Variants in TMEM106B observed in about 807,000 individuals in gnomAD.
TMEM106B encodes transmembrane protein 106B.
A neutral mutation model predicts 31.1 loss-of-function variants in TMEM106B; 15 were observed. The observed-to-expected ratio is 0.48, with a 90% CI of 0.32 to 0.74. TMEM106B has a LOEUF of 0.74. Among genes scored for constraint, TMEM106B ranks in the 30% least tolerant of loss-of-function variants. TMEM106B has a pLI of 0.03. For synonymous variants in TMEM106B, 126 were observed against 112.5 expected (o/e 1.12, Z -0.76); for missense variants, 283 against 327.3 (o/e 0.86, Z 1.04).
chr7:12,239,256 C>T lies in TMEM106B; in HGVS notation c.*7281C>T, dbSNP rs1007835454. ...TCCAACTTTTCTTCAATAGCTTCCT[C>T]ATCTCTCTCAGCCTTCATAGAATTG... is the stretch of plus-strand genomic sequence containing the variant. On this transcript the variant is annotated 3_prime_UTR_variant, in exon 8 of 8. Transcript: ENST00000396668. 2 of 152,160 alleles carry T rather than the reference C, an allele frequency of 1.3e-5. No homozygotes were observed. Among genetic ancestry groups the T allele is most frequent in the Non-Finnish European group, 2.9e-5 (2 of 68,036 alleles). 9.4% of individuals were successfully genotyped at this position (152,160 alleles called of 1,614,324 possible).
intron 2 of TMEM106B, among the ~76,000 whole-genome samples, chr7:12,216,201 C>G (rs144540911): frequency 6.6e-6 from 1 of 152,108 alleles, no homozygotes; most frequent in East Asian, 1.9e-4. Flanking sequence ...GCACCAGGCT[C>G]AGGGGGTAGG....
In TMEM106B at chr7:12,240,949, A is replaced by G. The variant is rs1433526709; in HGVS notation, c.*8974A>G. ...AACTGCTTTGGTTTATGGGTGAAAC[A>G]TAATTTATAACTAGGCAAATGTCAG... is the stretch of plus-strand genomic sequence containing the variant. On this transcript the variant is annotated 3_prime_UTR_variant, in exon 8 of 8. Transcript: ENST00000396668. The G allele has an allele frequency of 6.6e-6, 1 of 152,186 alleles. No individual in the cohort carries two copies. Among genetic ancestry groups the G allele is most frequent in the Admixed American group, 6.6e-5 (1 of 15,262 alleles). 9.4% of individuals were successfully genotyped at this position (152,186 alleles called of 1,614,324 possible). A position where few individuals can be genotyped will look rare whatever the true frequency, so the allele number is the denominator to read the frequency against.
Position 12,218,634 on chromosome 7 carries a change from G to A in TMEM106B, c.281+113G>A, listed in dbSNP as rs116705963. The A allele has an allele frequency of 3.3e-3, 2,680 of 823,300 alleles. 52 individuals carry two copies. The African/African-American group carries it at 0.038, about 12-fold the overall frequency. The allele number at this position is 823,300 out of a possible 1,614,324, so 51.0% of individuals were successfully genotyped here. A position where few individuals can be genotyped will look rare whatever the true frequency, so the allele number is the denominator to read the frequency against. On this transcript the variant is annotated intron_variant, in intron 3 of 7. Coordinates refer to ENST00000396668, the MANE Select transcript of TMEM106B (RefSeq NM_001134232.2). ...CTATTAAAAGAAAAAATGCTGTCACGTAGTTAAATTATGTCATCATATGCT... is the reference window on the plus strand; with the variant it reads ...CTATTAAAAGAAAAAATGCTGTCACATAGTTAAATTATGTCATCATATGCT...
chr7:12,216,797 T>C (rs1209558081), intron 2 of TMEM106B, among the ~76,000 whole-genome samples: 1 of 152,068 alleles, frequency 6.6e-6, no homozygotes, highest in Non-Finnish European at 1.5e-5. Flanking sequence ...ATGCTACTGA[T>C]AGATTGGGTA....
intron 3 of TMEM106B, among the ~76,000 whole-genome samples, chr7:12,219,559 A>G (rs1444972288): frequency 6.6e-6 from 1 of 152,202 alleles, no homozygotes; most frequent in Non-Finnish European, 1.5e-5. Context: ...GCAGATGAAC[A>G]CTTTAACTTA....
rs1782252335 is a variant in TMEM106B, at chr7:12,242,526, T to TAA, written c.*10553_*10554dup. On this transcript the variant is annotated 3_prime_UTR_variant, in exon 8 of 8. Transcript: ENST00000396668. ...ACACTGATATCTGTAACAACCTATGTAAAGTTAAGATTAAGGTTAAATCAC... is the reference window on the plus strand; with the variant it reads ...ACACTGATATCTGTAACAACCTATGTAAAAAGTTAAGATTAAGGTTAAATCAC... 1 of 152,170 alleles carries TAA rather than the reference T, an allele frequency of 6.6e-6. No homozygotes were observed. Among genetic ancestry groups the TAA allele is most frequent in the Admixed American group, 6.6e-5 (1 of 15,264 alleles). The allele number at this position is 152,170 out of a possible 1,614,324, so 9.4% of individuals were successfully genotyped here.
intron 7 of TMEM106B, 165 bp downstream of exon 7, chr7:12,231,280 G>C: frequency 1.9e-6 from 1 of 540,112 alleles, no homozygotes; most frequent in South Asian, 2.5e-5. Flanking sequence ...ATTACGAAAT[G>C]GTTGTTCAGA....
Position 12,240,846 on chromosome 7 carries a change from A to G in TMEM106B, c.*8871A>G, listed in dbSNP as rs1281351649. 6.6e-6 allele frequency: 1 copy of G among 152,200 alleles called. No individual in the cohort carries two copies. Among genetic ancestry groups the G allele is most frequent in the East Asian group, 1.9e-4 (1 of 5,190 alleles). 9.4% of individuals were successfully genotyped at this position (152,200 alleles called of 1,614,324 possible). A position where few individuals can be genotyped will look rare whatever the true frequency, so the allele number is the denominator to read the frequency against. On this transcript the variant is annotated 3_prime_UTR_variant, in exon 8 of 8. Transcript: ENST00000396668. ...GCAGCCCCTGACTGCTCACCTTTCCAGGGACCCCTGAACATTGGCCTAGAG... is the reference window on the plus strand; with the variant it reads ...GCAGCCCCTGACTGCTCACCTTTCCGGGGACCCCTGAACATTGGCCTAGAG...
At position 12,225,918 on chromosome 7, in the gene TMEM106B, T is replaced by C. The variant is rs1043763748; in HGVS notation, c.441+1533T>C. ...GCCATTGCTTTTGGTGTTTTAGTCA[T>C]GAAGTCCTTGCCCATGCCTACATCC... On this transcript the variant is annotated intron_variant, in intron 4 of 7. Coordinates refer to ENST00000396668, the MANE Select transcript of TMEM106B (RefSeq NM_001134232.2). 9.2e-5 allele frequency among the ~76,000 whole-genome samples: 14 copies of C among 152,222 alleles called. No homozygotes were observed. In the South Asian group the frequency reaches 1.0e-3, roughly 11 times the overall value.
At chr7:12,215,055 T>G in intron 2 of TMEM106B, 28 bp downstream of exon 2, 1 of 1,578,896 alleles carries the variant, frequency 6.3e-7, no homozygotes, top group Non-Finnish European at 8.6e-7. Flanking sequence ...GTTTTCCCTT[T>G]AAATGATTTT....
At chr7:12,230,947 C>A in intron 6 of TMEM106B, 115 bp from the exon 7 acceptor site, 1 of 667,130 alleles carries the variant, frequency 1.5e-6, no homozygotes, top group Non-Finnish European at 2.4e-6. Flanking sequence ...AAATTCTCAA[C>A]CAACAAATGC....
rs908036261 is a variant in TMEM106B, at chr7:12,235,011, A to C, written c.*3036A>C. ...TTCTATCATTTAAAATATATATTGG[A>C]AATCCCTGCTGACTCAGATTGGTAT... is the stretch of plus-strand genomic sequence containing the variant. On this transcript the variant is annotated 3_prime_UTR_variant, in exon 8 of 8. Transcript: ENST00000396668. 2.0e-5 allele frequency: 3 copies of C among 152,084 alleles called. No homozygotes were observed. The highest frequency in any genetic ancestry group is 2.9e-5 in the Non-Finnish European group (2 of 67,814). The allele number at this position is 152,084 out of a possible 1,614,324, so 9.4% of individuals were successfully genotyped here.
At chr7:12,218,305 C>A (rs1364468315) in intron 2 of TMEM106B, among the ~76,000 whole-genome samples, 153 bp from the exon 3 acceptor site, 1 of 146,870 alleles carries the variant, frequency 6.8e-6, no homozygotes, top group African/African-American at 2.5e-5. Context: ...TCTAGAACTT[C>A]TGCTGGATAC....
At chr7:12,223,802 C>T (rs1246301659) in intron 3 of TMEM106B, among the ~76,000 whole-genome samples, 1 of 149,474 alleles carries the variant, frequency 6.7e-6, no homozygotes, top group East Asian at 2.0e-4. Flanking sequence ...TTCACTCCAA[C>T]CTCTGCCTCC....
At chr7:12,211,999 T>C (rs1333956366) in intron 1 of TMEM106B, among the ~76,000 whole-genome samples, 3 of 152,198 alleles carry the variant, frequency 2.0e-5, no homozygotes, top group African/African-American at 7.2e-5. Flanking sequence ...CTAGCACCCC[T>C]TTTTTAAACC....
At chr7:12,217,695 T>A (rs1306765910) in intron 2 of TMEM106B, among the ~76,000 whole-genome samples, 2 of 152,136 alleles carry the variant, frequency 1.3e-5, no homozygotes, top group East Asian at 3.9e-4. Context: ...ATGGGTGTGA[T>A]GGGGGAGCAC....
chr7:12,231,339 C>G (rs1782017667), intron 7 of TMEM106B: 2 of 437,266 alleles, frequency 4.6e-6, no homozygotes, highest in African/African-American at 2.1e-5. Context: ...CTGGATGTCA[C>G]AAGAGTTCAG....
chr7:12,236,044 CTG>C lies in TMEM106B; in HGVS notation c.*4071_*4072del, dbSNP rs977717109. 7.4e-4 allele frequency: 112 copies of C among 151,866 alleles called. 1 individual carries two copies. The highest frequency in any genetic ancestry group is 2.5e-3 in the African/African-American group (104 of 41,502). The allele number at this position is 151,866 out of a possible 1,614,324, so 9.4% of individuals were successfully genotyped here. On this transcript the variant is annotated 3_prime_UTR_variant, in exon 8 of 8. Coordinates refer to ENST00000396668, the MANE Select transcript of TMEM106B (RefSeq NM_001134232.2). ...TGTTTGAGATGGTGGAGTAAAAAGA[CTG>C]TTAAACATTTCTTTTAAAAAATTAT... is the stretch of plus-strand genomic sequence containing the variant.
chr7:12,213,023 T>G (rs542146300), intron 1 of TMEM106B, among the ~76,000 whole-genome samples: 1 of 152,234 alleles, frequency 6.6e-6, no homozygotes, highest in African/African-American at 2.4e-5. Flanking sequence ...GCAGGGTGTA[T>G]TATATGACTG....
Sources: allele counts gnomAD v4.1 joint callset (sites outside exome capture counted in the v4.1 genomes callset), GRCh38; gene constraint gnomAD v4.1.1; transcripts MANE v1.5; gene names NCBI Gene and HGNC (gene_info 2026-07-23, HGNC 2026-07-21).